Variants in ZNF229 observed in about 807,000 individuals in gnomAD.
ZNF229 encodes the protein zinc finger protein 229.
In ZNF229, 10 loss-of-function variants were observed where a neutral mutation model predicts 11.8. That is an observed-to-expected ratio of 0.85 (90% CI 0.52 to 1.44). ZNF229 has a LOEUF of 1.44. ZNF229 is among the 40% of genes most tolerant of loss of function. The pLI is 0.00. For synonymous variants in ZNF229, 368 were observed against 374.8 expected, an observed-to-expected ratio of 0.98 and a Z score of 0.21; for missense variants, 1,045 against 1,015.1, an observed-to-expected ratio of 1.03 and a Z score of -0.40.
intron 4 of ZNF229, among the ~76,000 whole-genome samples, chr19:44,435,044 C>T (rs1971788955): frequency 6.6e-6 from 1 of 152,206 alleles, no homozygotes; most frequent in African/African-American, 2.4e-5. Flanking sequence ...CTTGCTCTTC[C>T]ACCATGAGTG....
At chr19:44,435,303 G>A (rs1251552104) in intron 4 of ZNF229, among the ~76,000 whole-genome samples, 1 of 152,204 alleles carries the variant, frequency 6.6e-6, no homozygotes, top group Non-Finnish European at 1.5e-5. Flanking sequence ...CAGGTCGTAT[G>A]ATTGGCCATG....
intron 4 of ZNF229, among the ~76,000 whole-genome samples, chr19:44,433,432 G>A (rs1175058435): frequency 6.6e-6 from 1 of 152,046 alleles, no homozygotes; most frequent in Non-Finnish European, 1.5e-5. Context: ...CCAGTACTAG[G>A]AAGTGGGGGT....
At position 44,428,600 on chromosome 19, in the gene ZNF229, G is replaced by A; in HGVS notation, c.2181C>T (p.Leu727=). 1 of 1,613,646 alleles carries A rather than the reference G, an allele frequency of 6.2e-7. No homozygotes were observed. The highest frequency in any genetic ancestry group is 8.5e-7 in the Non-Finnish European group (1 of 1,179,956). Residue 727 remains leucine, a synonymous_variant, in exon 6 of 6, where the codon CTC becomes CTT. Transcript: ENST00000614049. ...CAGTGTGCACTCTCTTATGACTAAG[G>A]AGACCTGAGCCATATCTGAAACCCT... ...CGKGFRYGSG[L]LSHKRVHTGE...
rs373898116 is a variant in ZNF229 at position 44,428,602 on chromosome 19, G to A, written c.2179C>T (p.Leu727Phe). 49 of 1,613,846 alleles carry A rather than the reference G, an allele frequency of 3.0e-5. No individual in the cohort carries two copies. The highest frequency in any genetic ancestry group is 3.7e-5 in the Non-Finnish European group (44 of 1,180,034). ...CGKGFRYGSG[L>F]LSHKRVHTGE... is the part of the protein sequence containing the mutation. Reference sequence around the variant, plus strand: ...GTGTGCACTCTCTTATGACTAAGGAGACCTGAGCCATATCTGAAACCCTTC... The same window carrying A: ...GTGTGCACTCTCTTATGACTAAGGAAACCTGAGCCATATCTGAAACCCTTC... The change falls in exon 6 of 6, where the codon CTC (leucine) becomes TTC (phenylalanine). Residue 727 changes from leucine to phenylalanine, a missense_variant. By Grantham distance (22) the Leu-to-Phe change is conservative (BLOSUM62 0). Transcript: ENST00000614049.
chr19:44,446,527 C>T (rs931941505), intron 2 of ZNF229, among the ~76,000 whole-genome samples: 1 of 152,198 alleles, frequency 6.6e-6, no homozygotes, highest in African/African-American at 2.4e-5. Flanking sequence ...TTCACACACA[C>T]ATGCCTATGT....
chr19:44,444,936 C>G (rs1971978312), intron 2 of ZNF229, among the ~76,000 whole-genome samples: 2 of 152,180 alleles, frequency 1.3e-5, no homozygotes, highest in African/African-American at 4.8e-5. Flanking sequence ...TTCTTTCACT[C>G]CCTTGGTGAA....
chr19:44,429,606 A>G lies in ZNF229; in HGVS notation c.1175T>C (p.Leu392Pro). The part of the protein sequence containing the change: ...CGKAFGRSSN[L>P]LVHQRVHTGE... ...AGTGTGGACCCTCTGATGGACAAGC[A>G]GGTTTGAACTTCGACCAAATGCCTT... Residue 392 changes from leucine (L) to proline (P), a missense_variant, in exon 6 of 6, where the codon CTG becomes CCG. Leu to Pro is a moderately conservative substitution (Grantham distance 98). Coordinates refer to ENST00000614049, the MANE Select transcript of ZNF229 (RefSeq NM_014518.4). The G allele has an allele frequency of 6.2e-7, 1 of 1,614,120 alleles. No homozygotes were observed. The highest frequency in any genetic ancestry group is 8.5e-7 in the Non-Finnish European group (1 of 1,180,024).
At chr19:44,435,214 T>A (rs1971792303) in intron 4 of ZNF229, among the ~76,000 whole-genome samples, 1 of 152,204 alleles carries the variant, frequency 6.6e-6, no homozygotes, top group Non-Finnish European at 1.5e-5. Context: ...AAAATAATGT[T>A]AGGCACCAGG....
intron 2 of ZNF229, among the ~76,000 whole-genome samples, chr19:44,446,341 G>A (rs1169993446): frequency 6.6e-6 from 1 of 152,180 alleles, no homozygotes. Flanking sequence ...GAAAATTGCA[G>A]CTCTAGTTTC....
chr19:44,440,938 T>G (rs1971898140), intron 4 of ZNF229, among the ~76,000 whole-genome samples: 1 of 152,084 alleles, frequency 6.6e-6, no homozygotes, highest in African/African-American at 2.4e-5. Context: ...TTGCCCAGGC[T>G]GGTCTCGAAC....
intron 4 of ZNF229, among the ~76,000 whole-genome samples, chr19:44,432,624 G>T (rs921869196): frequency 1.3e-5 from 2 of 151,796 alleles, no homozygotes; most frequent in African/African-American, 4.9e-5. Context: ...CTCACTCATA[G>T]GTGGGAATTG....
intron 5 of ZNF229, 167 bp downstream of exon 5, chr19:44,432,055 G>T: frequency 7.6e-7 from 1 of 1,318,774 alleles, no homozygotes; most frequent in South Asian, 1.7e-5. Flanking sequence ...CTCAGACTGT[G>T]CCTTCCAGAA....
At position 44,442,798 on chromosome 19, in the gene ZNF229, C is replaced by CACAAAAA; in HGVS notation, c.34+15_34+16insTTTTTGT. On this transcript the variant is annotated intron_variant, in intron 3 of 5. Coordinates refer to ENST00000614049, the MANE Select transcript of ZNF229 (RefSeq NM_014518.4). ...TTTGGATTCTCCCCCCACCCACCCC[C>CACAAAAA]TCTATTAGCTGTCACCTCTTTTCTC... The CACAAAAA allele has an allele frequency of 6.3e-7, 1 of 1,587,022 alleles. No individual in the cohort carries two copies. The highest frequency in any genetic ancestry group is 8.7e-7 in the Non-Finnish European group (1 of 1,155,624).
rs1171005695 is a variant in ZNF229 at position 44,430,173 on chromosome 19, CATCT to C, written c.604_607del (p.Arg202ValfsTer34). 3.7e-6 allele frequency: 6 copies of C among 1,614,098 alleles called. No homozygotes were observed. The highest frequency in any genetic ancestry group is 5.1e-6 in the Non-Finnish European group (6 of 1,180,026). ...TGTGTCTTCTGTGTCGAGATTTTTA[CATCT>C]TTCTTGAACATCCCCTAACTGGTTC... is the stretch of plus-strand genomic sequence containing the variant. On this transcript the variant is annotated frameshift_variant, in exon 6 of 6. Transcript: ENST00000614049. LOFTEE classifies it low-confidence loss of function (END_TRUNC).
intron 4 of ZNF229, among the ~76,000 whole-genome samples, chr19:44,441,548 T>C (rs1392011032): frequency 1.3e-5 from 2 of 152,218 alleles, no homozygotes; most frequent in African/African-American, 4.8e-5. Flanking sequence ...CATATCCCTA[T>C]ATTTTCATTT....
chr19:44,434,948 G>A (rs148917287), intron 4 of ZNF229, among the ~76,000 whole-genome samples: 213 of 152,160 alleles, frequency 1.4e-3, no homozygotes, highest in African/African-American at 4.9e-3. Context: ...TCTCATGATG[G>A]TGAATAAGTC....
rs1971592551 is a variant in ZNF229 at position 44,427,241 on chromosome 19, C to CCG, written c.*1061_*1062insCG. ...ACCATATCAGACTGTTTCTACAACC[C>CCG]CCCCCCCCGCCCCCACTGATGGGGG... is the stretch of plus-strand genomic sequence containing the variant. On this transcript the variant is annotated 3_prime_UTR_variant, in exon 6 of 6. Coordinates refer to ENST00000614049, the MANE Select transcript of ZNF229 (RefSeq NM_014518.4). 7.9e-6 allele frequency: 1 copy of CCG among 126,144 alleles called. No homozygotes were observed. The highest frequency in any genetic ancestry group is 2.8e-5 in the African/African-American group (1 of 35,694). The allele number at this position is 126,144 out of a possible 1,614,324, so 7.8% of individuals were successfully genotyped here.
chr19:44,428,013 C>T lies in ZNF229; in HGVS notation c.*290G>A. ...CACTTGTACATTGTAAAAGCTCCCT[C>T]CCAGGCAGATTCTGATGGAAGTGAG... On this transcript the variant is annotated 3_prime_UTR_variant, in exon 6 of 6. Coordinates refer to ENST00000614049, the MANE Select transcript of ZNF229 (RefSeq NM_014518.4). 1 of 320,816 alleles carries T rather than the reference C, an allele frequency of 3.1e-6. No homozygotes were observed. Among genetic ancestry groups the T allele is most frequent in the South Asian group, 7.4e-5 (1 of 13,512 alleles). 19.9% of individuals were successfully genotyped at this position (320,816 alleles called of 1,614,324 possible).
In ZNF229 at chr19:44,426,579, T is replaced by C. The variant is rs1403095667; in HGVS notation, c.*1724A>G. ...GAGCAACCTGCATTGTCATTATCTGTGTGCCTGAAGATTTCTAGTGGCTTT... is the reference window on the plus strand; with the variant it reads ...GAGCAACCTGCATTGTCATTATCTGCGTGCCTGAAGATTTCTAGTGGCTTT... On this transcript the variant is annotated 3_prime_UTR_variant, in exon 6 of 6. Transcript: ENST00000614049. 1 of 152,204 alleles carries C rather than the reference T, an allele frequency of 6.6e-6. No individual in the cohort carries two copies. Among genetic ancestry groups the C allele is most frequent in the Non-Finnish European group, 1.5e-5 (1 of 68,050 alleles). 9.4% of individuals were successfully genotyped at this position (152,204 alleles called of 1,614,324 possible). A position where few individuals can be genotyped will look rare whatever the true frequency, so the allele number is the denominator to read the frequency against.
Sources: gnomAD v4.1 joint callset for allele counts (sites outside exome capture counted in the v4.1 genomes callset) on GRCh38, gnomAD v4.1.1 for gene constraint, MANE v1.5 for transcripts, NCBI Gene and HGNC (gene_info 2026-07-23, HGNC 2026-07-21) for gene names.